PDGFD: variants seen among roughly 807,000 people sequenced by gnomAD.
The protein encoded by PDGFD is platelet derived growth factor D.
PDGFD carries 30 observed loss-of-function variants against 44.7 expected under a neutral mutation model. That is an observed-to-expected ratio of 0.67 (90% confidence interval 0.50 to 0.91). PDGFD has a LOEUF of 0.91. PDGFD is among the 40% of genes least tolerant of loss of function. The pLI is 0.00. For synonymous variants in PDGFD, 173 were observed against 168.4 expected, an observed-to-expected ratio of 1.03 and a Z score of -0.21; for missense variants, 445 against 457.8, an observed-to-expected ratio of 0.97 and a Z score of 0.25.
At chr11:103,985,638 A>G (rs764367935) in intron 3 of PDGFD, among the ~76,000 whole-genome samples, 2 of 149,528 alleles carry the variant, frequency 1.3e-5, no homozygotes, top group African/African-American at 2.6e-5. Context: ...GTTATCAGGG[A>G]ATAGTTCTGT....
At chr11:103,961,866 C>T (rs73600279) in intron 3 of PDGFD, among the ~76,000 whole-genome samples, 5,902 of 152,212 alleles carry the variant, frequency 0.039, 377 homozygotes, top group African/African-American at 0.14. Context: ...GTGCCTGCAG[C>T]CCAGGTCTCT....
At chr11:104,063,433 A>G (rs1860743087) in intron 1 of PDGFD, among the ~76,000 whole-genome samples, 1 of 152,066 alleles carries the variant, frequency 6.6e-6, no homozygotes, top group African/African-American at 2.4e-5. Context: ...TCATTAAATC[A>G]TAGACTTCTG....
At chr11:104,036,731 G>A in intron 1 of PDGFD, 2 of 986,676 alleles carry the variant, frequency 2.0e-6, no homozygotes, top group Non-Finnish European at 3.1e-6. Flanking sequence ...ACCAAGTCCT[G>A]AGGAGCAGCG....
rs202124079 is a variant in PDGFD, at chr11:103,946,749, CT to C, written c.573+912del. ...AAAGCACACAAAACACTTATTATCACTGTCAAAGATCTCTCCAATCTTTTGA... is the reference window on the plus strand; with the variant it reads ...AAAGCACACAAAACACTTATTATCACGTCAAAGATCTCTCCAATCTTTTGA... On this transcript the variant is annotated intron_variant, in intron 4 of 6. Transcript: ENST00000393158. 6.2e-3 allele frequency among the ~76,000 whole-genome samples: 939 copies of C among 152,334 alleles called. 3 individuals carry two copies. Among genetic ancestry groups the C allele is most frequent in the East Asian group, 0.027 (142 of 5,188 alleles).
At chr11:104,163,661 G>T (rs1317841822) in intron 1 of PDGFD, 143 bp downstream of exon 1, 4 of 991,702 alleles carry the variant, frequency 4.0e-6, no homozygotes, top group Non-Finnish European at 4.2e-6. Context: ...CTGGATACAG[G>T]CAGGAGACCT....
chr11:104,028,723 A>G (rs1860082933), intron 1 of PDGFD, among the ~76,000 whole-genome samples: 1 of 150,564 alleles, frequency 6.6e-6, no homozygotes, highest in African/African-American at 2.5e-5. Context: ...CAGTAAGAAC[A>G]TGAAATAAAA....
intron 3 of PDGFD, among the ~76,000 whole-genome samples, chr11:103,994,938 A>T (rs903985835): frequency 3.4e-5 from 5 of 146,224 alleles, no homozygotes; most frequent in Admixed American, 2.1e-4. Flanking sequence ...AGACTGCAGT[A>T]GTGTAGTCAT....
At chr11:103,977,236 G>C (rs1232956539) in intron 3 of PDGFD, among the ~76,000 whole-genome samples, 1 of 152,076 alleles carries the variant, frequency 6.6e-6, no homozygotes, top group Non-Finnish European at 1.5e-5. Flanking sequence ...GGACCAGATG[G>C]ATTCACAGTA....
At chr11:104,017,606 C>T (rs1859878640) in intron 1 of PDGFD, among the ~76,000 whole-genome samples, 2 of 152,156 alleles carry the variant, frequency 1.3e-5, no homozygotes, top group South Asian at 2.1e-4. Context: ...TGCCTAAACA[C>T]GAAACCGTTC....
intron 1 of PDGFD, among the ~76,000 whole-genome samples, chr11:104,069,165 C>T (rs1213107474): frequency 6.6e-6 from 1 of 152,138 alleles, no homozygotes; most frequent in East Asian, 1.9e-4. Context: ...GTTTCTGAGT[C>T]TTTCTCTTTC....
intron 4 of PDGFD, chr11:103,945,558 C>T (rs1178643480): frequency 1.6e-4 from 24 of 152,154 alleles, no homozygotes; most frequent in Admixed American, 1.0e-3. Flanking sequence ...AAATTAGAAG[C>T]ATGGCAGCAC....
At chr11:104,017,122 C>T (rs1023472082) in intron 1 of PDGFD, among the ~76,000 whole-genome samples, 1 of 152,136 alleles carries the variant, frequency 6.6e-6, no homozygotes, top group Non-Finnish European at 1.5e-5. Flanking sequence ...AACTGTCTAC[C>T]ATGTGAGGAC....
chr11:104,105,773 G>A (rs1422290504), intron 1 of PDGFD, among the ~76,000 whole-genome samples: 1 of 151,810 alleles, frequency 6.6e-6, no homozygotes, highest in East Asian at 1.9e-4. Context: ...TACAAAAACT[G>A]CCATGTAAAA....
intron 1 of PDGFD, among the ~76,000 whole-genome samples, chr11:104,017,530 G>A (rs959433878): frequency 3.9e-5 from 6 of 152,194 alleles, no homozygotes; most frequent in South Asian, 4.1e-4. Context: ...TGTTCTGCCC[G>A]ATCCAACATC....
intron 1 of PDGFD, among the ~76,000 whole-genome samples, chr11:104,128,254 G>A (rs770006571): frequency 2.0e-5 from 3 of 151,996 alleles, no homozygotes; most frequent in African/African-American, 4.8e-5. Flanking sequence ...CTTAGTAAAG[G>A]ATATGCCACC....
At chr11:104,159,150 T>C (rs915045095) in intron 1 of PDGFD, among the ~76,000 whole-genome samples, 1 of 106,094 alleles carries the variant, frequency 9.4e-6, no homozygotes, top group African/African-American at 3.8e-5. Context: ...GCAGACTCCA[T>C]CTCAAAAAAA....
chr11:104,051,826 A>T (rs1335903728), intron 1 of PDGFD, among the ~76,000 whole-genome samples: 1 of 151,612 alleles, frequency 6.6e-6, no homozygotes, highest in African/African-American at 2.4e-5. Context: ...CTTAAAAAAT[A>T]AAAAAAAATT....
At chr11:104,105,271 T>A (rs563457655) in intron 1 of PDGFD, among the ~76,000 whole-genome samples, 1 of 152,264 alleles carries the variant, frequency 6.6e-6, no homozygotes, top group East Asian at 1.9e-4. Flanking sequence ...AGAGCTAAAA[T>A]TATGCCCCAA....
chr11:104,117,563 T>G (rs928069698), intron 1 of PDGFD, among the ~76,000 whole-genome samples: 16 of 152,064 alleles, frequency 1.1e-4, no homozygotes, highest in African/African-American at 3.9e-4. Context: ...TGTACACAAA[T>G]TAGTAGCTCT....
Sources: gnomAD v4.1 joint callset for allele counts (sites outside exome capture counted in the v4.1 genomes callset) on GRCh38, gnomAD v4.1.1 for gene constraint, MANE v1.5 for transcripts, NCBI Gene and HGNC (gene_info 2026-07-23, HGNC 2026-07-21) for gene names.